The following SPAG9 variants were observed in gnomAD, a reference collection of about 807,000 sequenced individuals.
SPAG9 encodes the protein sperm associated antigen 9.
A neutral mutation model predicts 166.5 loss-of-function variants in SPAG9; 35 were observed. The ratio of observed to expected loss-of-function variants is 0.21; its 90% CI spans 0.16 to 0.28. SPAG9 has a LOEUF of 0.28. Ranked by LOEUF, SPAG9 falls within the 10% of genes least tolerant of loss-of-function variation. The pLI is 1.00. For synonymous variants in SPAG9, 534 were observed against 565.5 expected (o/e 0.94, Z 0.79); for missense variants, 1,235 against 1,603.3 (o/e 0.77, Z 3.92).
intron 1 of SPAG9, among the ~76,000 whole-genome samples, chr17:51,107,426 C>T (rs187541308): frequency 6.6e-6 from 1 of 151,750 alleles, no homozygotes; most frequent in East Asian, 1.9e-4. Context: ...GCAGGAAGAA[C>T]AAGAGAAAAC....
intron 9 of SPAG9, among the ~76,000 whole-genome samples, chr17:51,013,945 T>C (rs1051773812): frequency 5.3e-5 from 8 of 152,098 alleles, no homozygotes; most frequent in African/African-American, 1.9e-4. Context: ...ACCATGTTCT[T>C]ATGTGTAGTT....
intron 1 of SPAG9, among the ~76,000 whole-genome samples, chr17:51,104,212 A>T (rs1396867293): frequency 1.3e-5 from 2 of 152,196 alleles, no homozygotes; most frequent in African/African-American, 4.8e-5. Context: ...CATAAGATGA[A>T]TCTGAAACTC....
intron 16 of SPAG9, chr17:50,996,318 A>G (rs2044677441): frequency 4.4e-6 from 2 of 452,388 alleles, no homozygotes; most frequent in African/African-American, 4.0e-5. Flanking sequence ...CGGGTACCTC[A>G]AACTCCATGC....
intron 8 of SPAG9, among the ~76,000 whole-genome samples, chr17:51,014,811 C>CTTT (rs551551793): frequency 0.037 from 5,550 of 151,186 alleles, 255 homozygotes; most frequent in East Asian, 0.2. Context: ...AGGTTAAAAA[C>CTTT]ATAAATAGAG....
chr17:51,045,923 A>C (rs1378905575), intron 4 of SPAG9, among the ~76,000 whole-genome samples: 1 of 152,240 alleles, frequency 6.6e-6, no homozygotes, highest in Non-Finnish European at 1.5e-5. Flanking sequence ...TTTGATGTGT[A>C]AATAATGGGG....
chr17:50,986,147 A>G lies in SPAG9; in HGVS notation c.2940-369T>C, dbSNP rs1364607259. 3.3e-5 allele frequency among the ~76,000 whole-genome samples: 5 copies of G among 152,264 alleles called. No individual in the cohort carries two copies. The East Asian group carries it at 9.6e-4, about 29-fold the overall frequency. On this transcript the variant is annotated intron_variant, in intron 22 of 29. Coordinates refer to ENST00000262013, the MANE Select transcript of SPAG9 (RefSeq NM_001130528.3). ...TGGCCCACATAGGGAGTGGCAAACTATGGCCTACAGGCCAGATCCAGTCTG... is the reference window on the plus strand; with the variant it reads ...TGGCCCACATAGGGAGTGGCAAACTGTGGCCTACAGGCCAGATCCAGTCTG...
chr17:50,987,285 C>T (rs1403948713), intron 21 of SPAG9, 48 bp from the exon 22 acceptor site: 10 of 1,533,560 alleles, frequency 6.5e-6, no homozygotes, highest in Admixed American at 2.1e-5. Flanking sequence ...ACTTAACTAT[C>T]GTTATAGTTT....
chr17:51,072,500 G>A (rs2047850440), intron 2 of SPAG9, among the ~76,000 whole-genome samples: 2 of 150,698 alleles, frequency 1.3e-5, no homozygotes, highest in Admixed American at 6.6e-5. Flanking sequence ...CTGGCCAAAA[G>A]GGTGAAACTC....
At chr17:50,975,164 C>T (rs2143641799) in intron 27 of SPAG9, 1 of 479,666 alleles carries the variant, frequency 2.1e-6, no homozygotes, top group African/African-American at 2.0e-5. Flanking sequence ...GGGATTTTGC[C>T]AGTCTAGCAA....
At chr17:50,995,339 G>T in intron 17 of SPAG9, 105 bp downstream of exon 17, 1 of 1,297,044 alleles carries the variant, frequency 7.7e-7, no homozygotes, top group Non-Finnish European at 1.1e-6. Context: ...ATTATAAAAT[G>T]AACAATAACC....
Position 50,964,030 on chromosome 17 carries a change from A to G in SPAG9, c.*2242T>C, listed in dbSNP as rs983528651. 4.6e-5 allele frequency: 7 copies of G among 152,326 alleles called. No homozygotes were observed. Among genetic ancestry groups the G allele is most frequent in the South Asian group, 2.1e-4 (1 of 4,826 alleles). The allele number at this position is 152,326 out of a possible 1,614,324, so 9.4% of individuals were successfully genotyped here. On this transcript the variant is annotated 3_prime_UTR_variant, in exon 30 of 30. Transcript: ENST00000262013. ...TGTGCTTATAGTCACATGTGGCCCA[A>G]TGGATCCAAATGCCTCCTCTGGCTC...
intron 13 of SPAG9, among the ~76,000 whole-genome samples, chr17:51,001,360 A>C (rs1369525947): frequency 6.6e-6 from 1 of 152,248 alleles, no homozygotes; most frequent in East Asian, 1.9e-4. Context: ...TTACAGAAAG[A>C]CACTGAGTCA....
chr17:51,106,405 C>G (rs547276649), intron 1 of SPAG9, among the ~76,000 whole-genome samples: 1 of 152,194 alleles, frequency 6.6e-6, no homozygotes, highest in Non-Finnish European at 1.5e-5. Context: ...CTGTAATTAA[C>G]TGGTTTGCTT....
intron 22 of SPAG9, 33 bp downstream of exon 22, chr17:50,987,079 A>G (rs780648973): frequency 2.5e-6 from 4 of 1,576,464 alleles, no homozygotes; most frequent in Non-Finnish European, 3.4e-6. Context: ...AAGTAAAACA[A>G]CATATTCTAA....
chr17:50,971,894 A>G (rs1235962841), intron 28 of SPAG9, among the ~76,000 whole-genome samples: 2 of 152,022 alleles, frequency 1.3e-5, no homozygotes, highest in African/African-American at 2.4e-5. Context: ...CAGCCTCCCA[A>G]GTAGTTGCGA....
At chr17:51,056,572 T>A (rs1812796810) in intron 2 of SPAG9, 90 bp from the exon 3 acceptor site, 1 of 777,110 alleles carries the variant, frequency 1.3e-6, no homozygotes, top group African/African-American at 1.7e-5. Flanking sequence ...CTATCCATAA[T>A]CCTTAGCAAC....
At chr17:50,975,256 G>T in intron 27 of SPAG9, 1 of 266,088 alleles carries the variant, frequency 3.8e-6, no homozygotes, top group Non-Finnish European at 7.0e-6. Context: ...AATCTTAGTT[G>T]TTTCTTGTTT....
intron 14 of SPAG9, among the ~76,000 whole-genome samples, chr17:50,999,015 T>C (rs544286333): frequency 1.3e-5 from 2 of 152,260 alleles, no homozygotes; most frequent in African/African-American, 4.8e-5. Context: ...AAGCTTAGTA[T>C]GCCAGTTCTA....
At chr17:50,997,557 A>G (rs2044733940) in intron 15 of SPAG9, among the ~76,000 whole-genome samples, 1 of 152,208 alleles carries the variant, frequency 6.6e-6, no homozygotes, top group Non-Finnish European at 1.5e-5. Flanking sequence ...GATTTTGAAA[A>G]TAATTTGCCA....
Sources: gnomAD v4.1 joint callset for allele counts (sites outside exome capture counted in the v4.1 genomes callset) on GRCh38, gnomAD v4.1.1 for gene constraint, MANE v1.5 for transcripts, NCBI Gene and HGNC (gene_info 2026-07-23, HGNC 2026-07-21) for gene names.